The following VPS13D variants were observed in gnomAD, a reference collection of about 807,000 sequenced individuals.
The protein encoded by VPS13D is intermembrane lipid transfer protein VPS13D.
VPS13D carries 187 observed loss-of-function variants against 461.9 expected under a neutral mutation model. The ratio of observed to expected loss-of-function variants is 0.40; its 90% CI spans 0.36 to 0.46. The LOEUF (loss-of-function observed/expected upper bound fraction) is 0.46. Among genes scored for constraint, VPS13D ranks in the 20% least tolerant of loss-of-function variants. The pLI is 0.60. For synonymous variants in VPS13D, 1,951 were observed against 1,986.3 expected, an observed-to-expected ratio of 0.98 and a Z score of 0.47; for missense variants, 4,711 against 5,364.9, an observed-to-expected ratio of 0.88 and a Z score of 3.81.
At chr1:12,450,283 G>A (rs1188921421) in intron 65 of VPS13D, among the ~76,000 whole-genome samples, 6 of 152,108 alleles carry the variant, frequency 3.9e-5, no homozygotes, top group Non-Finnish European at 8.8e-5. Flanking sequence ...CTACATCGTG[G>A]CAACTCCCAC....
chr1:12,385,467 C>A, intron 59 of VPS13D, 94 bp downstream of exon 59: 1 of 973,070 alleles, frequency 1.0e-6, no homozygotes, highest in Non-Finnish European at 1.5e-6. Flanking sequence ...TCTTTCTATC[C>A]TGTATGATTC....
rs1297292293 is a variant in VPS13D, at chr1:12,249,216, T to G, written c.448-7T>G. The G allele has an allele frequency of 2.5e-6, 4 of 1,607,130 alleles. No individual in the cohort carries two copies. The highest frequency in any genetic ancestry group is 3.4e-6 in the Non-Finnish European group (4 of 1,176,102). ...CATCAGCTGCTTTTTCTTTTTTCTC[T>G]TTGCAGTTAAAAATTCAAGATGTCC... On this transcript the variant is annotated splice_region_variant and splice_polypyrimidine_tract_variant and intron_variant, in intron 5 of 69. Transcript: ENST00000620676.
intron 22 of VPS13D, among the ~76,000 whole-genome samples, chr1:12,289,250 T>A (rs1642057213): frequency 6.6e-6 from 1 of 152,184 alleles, no homozygotes; most frequent in Admixed American, 6.5e-5. Flanking sequence ...TATTTTAACT[T>A]ATTTTTTTAA....
At chr1:12,381,367 C>T (rs1644269560) in intron 57 of VPS13D, among the ~76,000 whole-genome samples, 1 of 152,184 alleles carries the variant, frequency 6.6e-6, no homozygotes, top group East Asian at 1.9e-4. Flanking sequence ...GGGATTTAGA[C>T]ACTCTTTGCC....
chr1:12,507,560 A>G lies in VPS13D; in HGVS notation c.13035+467A>G, dbSNP rs368440877. 3.0e-4 allele frequency among the ~76,000 whole-genome samples: 46 copies of G among 152,232 alleles called. No homozygotes were observed. The highest frequency in any genetic ancestry group is 1.0e-3 in the African/African-American group (42 of 41,462). ...TCTAGCATGCTCAATAATTATTTGT[A>G]AATAAAAGTTATACTTTCCCTCCAA... On this transcript the variant is annotated intron_variant, in intron 69 of 69. Transcript: ENST00000620676. The surrounding 1 kb of genome is among the most constrained non-coding windows in gnomAD (Gnocchi z 5.3).
In VPS13D at chr1:12,304,576, A is replaced by C. The variant is rs745539310; in HGVS notation, c.6287A>C (p.Glu2096Ala). The change falls in exon 26 of 70, where the codon GAG (glutamate) becomes GCG (alanine). Residue 2096 changes from glutamate to alanine, a missense_variant. Transcript: ENST00000620676. ...CTGAGGAAAACGACAAGCACGGAGGAGCCCAGGGGAACCCATTCCCAGGGG... is the reference window on the plus strand; with the variant it reads ...CTGAGGAAAACGACAAGCACGGAGGCGCCCAGGGGAACCCATTCCCAGGGG... ...HSLRKTTSTEEPRGTHSQGQF... is the reference protein window; with the variant it reads ...HSLRKTTSTEAPRGTHSQGQF... 1 of 1,614,096 alleles carries C rather than the reference A, an allele frequency of 6.2e-7. No individual in the cohort carries two copies. Among genetic ancestry groups the C allele is most frequent in the South Asian group, 1.1e-5 (1 of 91,068 alleles).
At chr1:12,249,178 T>C in intron 5 of VPS13D, 45 bp from the exon 6 acceptor site, 1 of 1,440,862 alleles carries the variant, frequency 6.9e-7, no homozygotes, top group South Asian at 1.2e-5. Flanking sequence ...TTTGGAACAC[T>C]ATTCTGCAGG....
At chr1:12,393,490 C>G (rs766642578) in intron 60 of VPS13D, among the ~76,000 whole-genome samples, 1 of 152,208 alleles carries the variant, frequency 6.6e-6, no homozygotes, top group African/African-American at 2.4e-5. Flanking sequence ...GCAATGAAAC[C>G]CCACATCTGG....
intron 63 of VPS13D, among the ~76,000 whole-genome samples, chr1:12,406,508 G>A (rs1030543683): frequency 6.6e-6 from 1 of 152,166 alleles, no homozygotes; most frequent in Non-Finnish European, 1.5e-5. Flanking sequence ...AAATCTCAGA[G>A]GGAAGTCTCT....
chr1:12,352,964 T>A (rs1219914312), intron 46 of VPS13D, among the ~76,000 whole-genome samples: 2 of 4,190 alleles, frequency 4.8e-4, no homozygotes, highest in African/African-American at 1.1e-3. Context: ...AAACTCAGTC[T>A]CAAAAAAAAA....
At chr1:12,343,854 G>A (rs1643620555) in intron 42 of VPS13D, among the ~76,000 whole-genome samples, 1 of 152,204 alleles carries the variant, frequency 6.6e-6, no homozygotes, top group African/African-American at 2.4e-5. Flanking sequence ...ATGGATTGGT[G>A]ATATGGTATT....
At chr1:12,380,374 C>T (rs887068834) in intron 57 of VPS13D, among the ~76,000 whole-genome samples, 3 of 152,170 alleles carry the variant, frequency 2.0e-5, no homozygotes, top group Admixed American at 6.5e-5. Context: ...GGTGAGCATT[C>T]GCCAGGCATC....
chr1:12,248,452 C>G (rs979648554), intron 5 of VPS13D, among the ~76,000 whole-genome samples: 9 of 152,046 alleles, frequency 5.9e-5, no homozygotes, highest in African/African-American at 2.2e-4. Flanking sequence ...AAACAATCCT[C>G]CTGCCTCAGC....
At position 12,489,057 on chromosome 1, in the gene VPS13D, C is replaced by G. The variant is rs530246000; in HGVS notation, c.12663-8443C>G. Among the ~76,000 whole-genome samples the G allele has an allele frequency of 2.0e-5, 3 of 152,312 alleles. No individual in the cohort carries two copies. In the East Asian group the frequency reaches 5.8e-4, roughly 29 times the overall value. On this transcript the variant is annotated intron_variant, in intron 67 of 69. Coordinates refer to ENST00000620676, the MANE Select transcript of VPS13D (RefSeq NM_015378.4). ...ATTATGGCCTTTAAAGAAATCCAAG[C>G]CTTTTAGGCTCCATTCTTACTATAA...
intron 65 of VPS13D, among the ~76,000 whole-genome samples, chr1:12,441,769 A>T (rs1462427717): frequency 6.6e-6 from 1 of 152,212 alleles, no homozygotes; most frequent in African/African-American, 2.4e-5. Context: ...TTTCTGTTTA[A>T]GCGATAGCAG....
At position 12,352,817 on chromosome 1, in the gene VPS13D, T is replaced by C. The variant is rs2101596313; in HGVS notation, c.9432-1157T>C. Among the ~76,000 whole-genome samples the C allele has an allele frequency of 2.0e-5, 3 of 151,576 alleles. 1 individual carries two copies. The South Asian group carries it at 6.3e-4, about 32-fold the overall frequency. ...CGTCTCTACTAAAAATACAACAAAT[T>C]AGCCAGACATGGTGGTGCACTCCTG... On this transcript the variant is annotated intron_variant, in intron 46 of 69. Transcript: ENST00000620676.
chr1:12,313,122 G>A (rs1642800264), intron 29 of VPS13D, among the ~76,000 whole-genome samples: 1 of 151,998 alleles, frequency 6.6e-6, no homozygotes. Flanking sequence ...AAGTGGTTTG[G>A]CATTTGAAAA....
chr1:12,485,834 T>C (rs1451268986), intron 67 of VPS13D, among the ~76,000 whole-genome samples: 4 of 152,182 alleles, frequency 2.6e-5, no homozygotes, highest in Non-Finnish European at 2.9e-5. Context: ...GACCTCCTTA[T>C]CACCAAATAA....
At chr1:12,295,243 AAACTT>A (rs1642244377) in intron 24 of VPS13D, among the ~76,000 whole-genome samples, 1 of 151,834 alleles carries the variant, frequency 6.6e-6, no homozygotes, top group African/African-American at 2.4e-5. Context: ...AAAAAAAACA[AAACTT>A]TATTAGGTAA....
Sources: gnomAD v4.1 joint callset for allele counts (sites outside exome capture counted in the v4.1 genomes callset) on GRCh38, gnomAD v4.1.1 for gene constraint, Gnocchi (gnomAD v3.1) non-coding constraint, MANE v1.5 for transcripts, NCBI Gene and HGNC (gene_info 2026-07-23, HGNC 2026-07-21) for gene names.